Variants in CFAP46 observed in about 807,000 individuals in gnomAD.
CFAP46 encodes cilia- and flagella-associated protein 46.
A neutral mutation model predicts 325.7 loss-of-function variants in CFAP46; 245 were observed. The ratio of observed to expected loss-of-function variants is 0.75; its 90% confidence interval spans 0.68 to 0.84. The LOEUF (loss-of-function observed/expected upper bound fraction) is 0.84. Ranked by LOEUF, CFAP46 falls within the 40% of genes least tolerant of loss-of-function variation. The pLI, the probability that CFAP46 is intolerant of heterozygous loss-of-function variation, is 0.00. For synonymous variants in CFAP46, 1,523 were observed against 1,495.9 expected (o/e 1.02, Z -0.42); for missense variants, 3,346 against 3,543.0 (o/e 0.94, Z 1.41).
At position 132,865,862 on chromosome 10, in the gene CFAP46, G is replaced by A. The variant is rs188408139; in HGVS notation, c.4890+163C>T. 1.8e-3 allele frequency among the ~76,000 whole-genome samples: 273 copies of A among 152,332 alleles called. 1 individual carries two copies. Among genetic ancestry groups the A allele is most frequent in the South Asian group, 6.6e-3 (32 of 4,826 alleles). On this transcript the variant is annotated intron_variant, in intron 35 of 57. Coordinates refer to ENST00000368586, the MANE Select transcript of CFAP46 (RefSeq NM_001200049.3). ...AGCAAAAGACGGACAGACAGAGGAC[G>A]CACAGGACTGACTTCCCGCAGAGAG...
intron 50 of CFAP46, among the ~76,000 whole-genome samples, chr10:132,821,214 G>GA (rs1847809887): frequency 7.0e-6 from 1 of 141,998 alleles, no homozygotes; most frequent in Admixed American, 7.0e-5. Flanking sequence ...GATGTGTGCT[G>GA]TGTGCTGTGT....
intron 39 of CFAP46, among the ~76,000 whole-genome samples, chr10:132,851,519 C>T (rs1261960471): frequency 1.3e-5 from 2 of 152,328 alleles, no homozygotes; most frequent in South Asian, 2.1e-4. Context: ...CAAATCTCTT[C>T]GCGTCCCCTC....
At chr10:132,845,602 G>T (rs1269584550) in intron 44 of CFAP46, among the ~76,000 whole-genome samples, 1 of 152,204 alleles carries the variant, frequency 6.6e-6, no homozygotes, top group Non-Finnish European at 1.5e-5. Context: ...ACTGCCATTC[G>T]CATCTGCTAA....
intron 50 of CFAP46, among the ~76,000 whole-genome samples, chr10:132,820,153 C>T (rs1190730818): frequency 3.3e-5 from 5 of 152,234 alleles, no homozygotes; most frequent in Admixed American, 2.0e-4. Flanking sequence ...CTAAAGGTGA[C>T]GACGGAGCAG....
At chr10:132,938,526 T>G in intron 5 of CFAP46, 63 bp downstream of exon 5, 1 of 1,519,074 alleles carries the variant, frequency 6.6e-7, no homozygotes, top group Non-Finnish European at 9.0e-7. Flanking sequence ...GAAGGGGTGG[T>G]GGCCTCAGAG....
chr10:132,823,086 T>A (rs1847919930), intron 50 of CFAP46, among the ~76,000 whole-genome samples: 1 of 130,162 alleles, frequency 7.7e-6, no homozygotes, highest in African/African-American at 3.0e-5. Context: ...TGTGTGCTGA[T>A]GTGTGCTTTG....
chr10:132,941,263 C>T (rs751084414), intron 3 of CFAP46, among the ~76,000 whole-genome samples: 35 of 152,194 alleles, frequency 2.3e-4, no homozygotes, highest in Non-Finnish European at 4.1e-4. Flanking sequence ...CCCGCAGACA[C>T]AGCGAGGCAG....
chr10:132,813,270 T>C (rs1266340829), intron 54 of CFAP46, among the ~76,000 whole-genome samples: 3 of 151,794 alleles, frequency 2.0e-5, no homozygotes, highest in Non-Finnish European at 2.9e-5. Flanking sequence ...GTTCCCTCCT[T>C]CCATACAGGA....
rs1261922978 is a variant in CFAP46, at chr10:132,942,492, G to A, written c.-8C>T. On this transcript the variant is annotated 5_prime_UTR_variant, in exon 1 of 58. Transcript: ENST00000368586. ...CGTGATGACCAGGTCCATGGCGCCG[G>A]CGCCCTGCTCGTCCGCTCTCTCCGG... 2.4e-5 allele frequency: 31 copies of A among 1,270,802 alleles called. No individual in the cohort carries two copies. The highest frequency in any genetic ancestry group is 3.1e-5 in the Non-Finnish European group (31 of 1,011,084). 78.7% of individuals were successfully genotyped at this position (1,270,802 alleles called of 1,614,324 possible). A position where few individuals can be genotyped will look rare whatever the true frequency, so the allele number is the denominator to read the frequency against.
At position 132,808,577 on chromosome 10, in the gene CFAP46, C is replaced by CGAGGTCCAG. The variant is rs757518276; in HGVS notation, c.7983_7991dup (p.Trp2662_Ser2664dup). 3.1e-6 allele frequency: 5 copies of CGAGGTCCAG among 1,612,806 alleles called. No homozygotes were observed. Among genetic ancestry groups the CGAGGTCCAG allele is most frequent in the Non-Finnish European group, 4.2e-6 (5 of 1,179,870 alleles). ...ATGGCGCACACAGGCAGGCAGAGCTCGAGGTCCAGGCGGCTGCCTTGCGGG... is the reference window on the plus strand; with the variant it reads ...ATGGCGCACACAGGCAGGCAGAGCTCGAGGTCCAGGAGGTCCAGGCGGCTGCCTTGCGGG... On this transcript the variant is annotated inframe_insertion, in exon 58 of 58. Transcript: ENST00000368586. The surrounding 1 kb of genome is among the most constrained non-coding windows in gnomAD (Gnocchi z 6.8).
rs866920259 is a variant in CFAP46 at position 132,919,617 on chromosome 10, C to T, written c.1731-175G>A. 6.6e-6 allele frequency among the ~76,000 whole-genome samples: 1 copy of T among 152,056 alleles called. No individual in the cohort carries two copies. The highest frequency in any genetic ancestry group is 2.4e-5 in the African/African-American group (1 of 41,414). ...GCCTGGCGGGTGCATGTCCCAGGGT[C>T]GGGCGCAGCTCTCCGCTCTCCCTGC... On this transcript the variant is annotated intron_variant, in intron 14 of 57. Transcript: ENST00000368586. This position sits in a 1 kb window ranked among gnomAD's most constrained non-coding sequence, Gnocchi z 9.7.
intron 24 of CFAP46, among the ~76,000 whole-genome samples, chr10:132,894,332 T>A (rs936427402): frequency 1.3e-5 from 2 of 152,160 alleles, no homozygotes; most frequent in African/African-American, 4.8e-5. Context: ...GCACATTAGA[T>A]AAAACTTACG....
chr10:132,839,360 G>A (rs1159381435), intron 44 of CFAP46, among the ~76,000 whole-genome samples: 3 of 152,188 alleles, frequency 2.0e-5, no homozygotes, highest in Non-Finnish European at 4.4e-5. Context: ...AATAGCTCAG[G>A]GGAACCAGGC....
rs374404778 is a variant in CFAP46 at position 132,847,919 on chromosome 10, G to A, written c.5953-598C>T. Among the ~76,000 whole-genome samples, 2 of 152,166 alleles carry A rather than the reference G, an allele frequency of 1.3e-5. No homozygotes were observed. The highest frequency in any genetic ancestry group is 2.9e-5 in the Non-Finnish European group (2 of 68,010). On this transcript the variant is annotated intron_variant, in intron 41 of 57. Coordinates refer to ENST00000368586, the MANE Select transcript of CFAP46 (RefSeq NM_001200049.3). The surrounding 1 kb of genome is among the most constrained non-coding windows in gnomAD (Gnocchi z 5.2). ...GAGAAGGAGTGATGGACATGTCCCC[G>A]TTCTAGTAGGCTGCCTGAATGCAGG...
At chr10:132,822,168 GTGC>G (rs1316254093) in intron 50 of CFAP46, among the ~76,000 whole-genome samples, 2 of 139,888 alleles carry the variant, frequency 1.4e-5, no homozygotes, top group South Asian at 4.9e-4. Context: ...TGTGCTGTGT[GTGC>G]TGATGTGTGC....
At chr10:132,911,004 T>A (rs1431799180) in intron 19 of CFAP46, among the ~76,000 whole-genome samples, 1 of 152,170 alleles carries the variant, frequency 6.6e-6, no homozygotes, top group Non-Finnish European at 1.5e-5. Context: ...GTGCTGGCAT[T>A]TCCTCTCAGC....
At chr10:132,855,257 C>A (rs1475984603) in intron 39 of CFAP46, among the ~76,000 whole-genome samples, 1 of 152,222 alleles carries the variant, frequency 6.6e-6, no homozygotes, top group East Asian at 1.9e-4. Context: ...ACTGGTTGAG[C>A]CGTTTGCACT....
At chr10:132,825,315 G>T (rs73391213) in intron 50 of CFAP46, among the ~76,000 whole-genome samples, 100 of 152,094 alleles carry the variant, frequency 6.6e-4, no homozygotes, top group Non-Finnish European at 1.2e-3. Flanking sequence ...GATGTGTGCC[G>T]TGTGCACTGA....
chr10:132,932,170 T>C (rs1371208567), intron 8 of CFAP46, among the ~76,000 whole-genome samples: 23 of 96,544 alleles, frequency 2.4e-4, no homozygotes, highest in South Asian at 1.5e-3. Flanking sequence ...TCCCCACACT[T>C]CTCACACAGA....
Sources: allele counts gnomAD v4.1 joint callset (sites outside exome capture counted in the v4.1 genomes callset), GRCh38; gene constraint gnomAD v4.1.1; non-coding constraint Gnocchi (gnomAD v3.1); transcripts MANE v1.5; gene names NCBI Gene and HGNC (gene_info 2026-07-23, HGNC 2026-07-21).